Variants in DLG2 observed in about 807,000 individuals in gnomAD.
The protein encoded by DLG2 is disks large homolog 2.
A neutral mutation model predicts 132.5 loss-of-function variants in DLG2; 45 were observed. The observed-to-expected ratio is 0.34, with a 90% CI of 0.27 to 0.44. The LOEUF (loss-of-function observed/expected upper bound fraction) is 0.44. DLG2 is among the 20% of genes least tolerant of loss of function. The pLI, the probability that DLG2 is intolerant of heterozygous loss-of-function variation, is 1.00. For missense variants in DLG2, 1,045 were observed against 1,196.9 expected, an observed-to-expected ratio of 0.87 and a Z score of 1.87; for synonymous variants, 424 against 419.6, an observed-to-expected ratio of 1.01 and a Z score of -0.13.
chr11:85,357,489 C>T (rs2083798444), intron 3 of DLG2, among the ~76,000 whole-genome samples: 1 of 147,684 alleles, frequency 6.8e-6, no homozygotes, highest in Non-Finnish European at 1.5e-5. Flanking sequence ...TATCCTCTCT[C>T]CTTTAAGTAG....
intron 9 of DLG2, among the ~76,000 whole-genome samples, chr11:84,159,666 T>C (rs149412518): frequency 6.6e-6 from 1 of 152,274 alleles, no homozygotes. Flanking sequence ...TGGAAGGTCT[T>C]AAGAATATAA....
Position 85,470,394 on chromosome 11 carries a change from G to C in DLG2, c.40+128263C>G, listed in dbSNP as rs564703020. Among the ~76,000 whole-genome samples, 10 of 152,238 alleles carry C rather than the reference G, an allele frequency of 6.6e-5. No homozygotes were observed. The East Asian group carries it at 1.9e-3, about 29-fold the overall frequency. On this transcript the variant is annotated intron_variant, in intron 3 of 27. Coordinates refer to ENST00000376104, the MANE Select transcript of DLG2 (RefSeq NM_001142699.3). ...GCACAGTTGGGGTAGGGGTGAGAAG[G>C]AGAAGAGTTCCACTGAAGATATTAT...
At chr11:85,180,204 A>G (rs561333930) in intron 4 of DLG2, among the ~76,000 whole-genome samples, 6 of 152,090 alleles carry the variant, frequency 3.9e-5, no homozygotes, top group Middle Eastern at 3.4e-3. Flanking sequence ...AAACACACAC[A>G]CACATAAGCA....
chr11:85,169,166 C>T (rs2078670067), intron 4 of DLG2, among the ~76,000 whole-genome samples: 2 of 152,052 alleles, frequency 1.3e-5, no homozygotes, highest in African/African-American at 2.4e-5. Flanking sequence ...AGTTGTTGTA[C>T]TGTATTTTTA....
intron 6 of DLG2, among the ~76,000 whole-genome samples, chr11:85,077,056 G>C (rs936444072): frequency 6.6e-6 from 1 of 152,036 alleles, no homozygotes; most frequent in Non-Finnish European, 1.5e-5. Flanking sequence ...TGAAGGGAAA[G>C]AGTTGCCAAA....
chr11:83,717,110 G>C (rs1299285682), intron 18 of DLG2, among the ~76,000 whole-genome samples: 1 of 151,906 alleles, frequency 6.6e-6, no homozygotes, highest in Non-Finnish European at 1.5e-5. Flanking sequence ...CAGTAAATTG[G>C]AGCTCCTGTC....
chr11:85,177,601 T>C (rs1423702593), intron 4 of DLG2, among the ~76,000 whole-genome samples: 8 of 152,012 alleles, frequency 5.3e-5, no homozygotes, highest in Admixed American at 5.2e-4. Context: ...GGTTGACCTG[T>C]GCAGCAAACC....
chr11:84,635,184 T>C (rs1594443919), intron 6 of DLG2, among the ~76,000 whole-genome samples: 1 of 152,326 alleles, frequency 6.6e-6, no homozygotes, highest in African/African-American at 2.4e-5. Flanking sequence ...ATATTTGCCC[T>C]CAAAAGCCAC....
chr11:85,584,493 T>C (rs1021564463), intron 3 of DLG2, among the ~76,000 whole-genome samples: 1 of 152,134 alleles, frequency 6.6e-6, no homozygotes, highest in Admixed American at 6.6e-5. Flanking sequence ...CTTTTTCATA[T>C]AATGACATCT....
intron 7 of DLG2, among the ~76,000 whole-genome samples, chr11:84,332,243 G>C (rs1338098692): frequency 4.3e-5 from 6 of 140,048 alleles, no homozygotes; most frequent in African/African-American, 1.6e-4. Flanking sequence ...ACAGAGTCTC[G>C]CTCTATCGCC....
At position 85,451,302 on chromosome 11, in the gene DLG2, TCCAACAGCAGA is replaced by T. The variant is rs1269395723; in HGVS notation, c.40+147344_40+147354del. ...CATATCTTAAATCAACCCACTTCTC[TCCAACAGCAGA>T]CCAAGTCACCAACATTTCTTACCCA... On this transcript the variant is annotated intron_variant, in intron 3 of 27. Transcript: ENST00000376104. Among the ~76,000 whole-genome samples the T allele has an allele frequency of 2.0e-5, 3 of 152,156 alleles. No homozygotes were observed. In the East Asian group the frequency reaches 5.8e-4, roughly 29 times the overall value.
At chr11:85,507,112 G>T (rs116580651) in intron 3 of DLG2, among the ~76,000 whole-genome samples, 1 of 152,054 alleles carries the variant, frequency 6.6e-6, no homozygotes, top group Non-Finnish European at 1.5e-5. Context: ...GTGTCTGCAC[G>T]TTAGATGGGT....
intron 11 of DLG2, among the ~76,000 whole-genome samples, chr11:84,004,821 A>T (rs975161201): frequency 6.6e-6 from 1 of 151,938 alleles, no homozygotes; most frequent in Non-Finnish European, 1.5e-5. Context: ...GGTTGAAAGA[A>T]TTAACATAAT....
intron 10 of DLG2, among the ~76,000 whole-genome samples, chr11:84,077,497 T>C (rs531435239): frequency 5.9e-5 from 9 of 152,316 alleles, no homozygotes; most frequent in African/African-American, 9.6e-5. Context: ...ACATCTCTAT[T>C]TTAATTCTTC....
At chr11:84,801,243 G>T (rs2075333539) in intron 6 of DLG2, among the ~76,000 whole-genome samples, 1 of 152,156 alleles carries the variant, frequency 6.6e-6, no homozygotes, top group Non-Finnish European at 1.5e-5. Context: ...TATGTGCCAT[G>T]CTATATTCTC....
At chr11:84,326,156 C>A (rs922536021) in intron 7 of DLG2, among the ~76,000 whole-genome samples, 2 of 151,830 alleles carry the variant, frequency 1.3e-5, no homozygotes, top group Non-Finnish European at 2.9e-5. Context: ...CTAGCTAAAG[C>A]TTTACCAATT....
At chr11:85,494,913 C>A (rs528941687) in intron 3 of DLG2, among the ~76,000 whole-genome samples, 1 of 150,752 alleles carries the variant, frequency 6.6e-6, no homozygotes, top group African/African-American at 2.4e-5. Flanking sequence ...CAGTGAAAAA[C>A]ATGCTACTAA....
intron 15 of DLG2, among the ~76,000 whole-genome samples, chr11:83,892,194 G>A (rs1320157889): frequency 6.6e-6 from 1 of 152,152 alleles, no homozygotes; most frequent in African/African-American, 2.4e-5. Flanking sequence ...GTATTGAAAA[G>A]AAGAAAAAGT....
In DLG2 at chr11:84,870,256, C is replaced by T. The variant is rs551041180; in HGVS notation, c.357+241405G>A. 5.7e-4 allele frequency among the ~76,000 whole-genome samples: 87 copies of T among 152,130 alleles called. 1 individual carries two copies. Among genetic ancestry groups the T allele is most frequent in the Non-Finnish European group, 3.7e-4 (25 of 68,004 alleles). On this transcript the variant is annotated intron_variant, in intron 6 of 27. Transcript: ENST00000376104. Reference sequence around the variant, plus strand: ...AAAGTGTATCCAGCCCCGGGAAGAGCGATGTTTTAGCAGTAAGTGGAAAAA... The same window carrying T: ...AAAGTGTATCCAGCCCCGGGAAGAGTGATGTTTTAGCAGTAAGTGGAAAAA...
Sources: allele counts gnomAD v4.1 joint callset (sites outside exome capture counted in the v4.1 genomes callset), GRCh38; gene constraint gnomAD v4.1.1; transcripts MANE v1.5; gene names NCBI Gene and HGNC (gene_info 2026-07-23, HGNC 2026-07-21).